Variants in KAT6B observed in about 807,000 individuals in gnomAD.
KAT6B encodes the protein lysine acetyltransferase 6B, also known as histone acetyltransferase KAT6B.
A neutral mutation model predicts 187.5 loss-of-function variants in KAT6B; 10 were observed. The observed-to-expected ratio is 0.05, with a 90% confidence interval of 0.03 to 0.09. The LOEUF is 0.09. Among genes scored for constraint, KAT6B ranks in the 10% least tolerant of loss-of-function variants. The pLI is 1.00. For synonymous variants in KAT6B, 861 were observed against 926.8 expected (o/e 0.93, Z 1.29); for missense variants, 1,952 against 2,558.9 (o/e 0.76, Z 5.12).
intron 3 of KAT6B, among the ~76,000 whole-genome samples, chr10:74,939,590 G>A (rs922377158): frequency 2.4e-4 from 36 of 151,930 alleles, no homozygotes; most frequent in African/African-American, 7.2e-4. Context: ...TAGTAGAGAC[G>A]GGGTCTCACC....
At chr10:74,928,933 T>G (rs1389173019) in intron 3 of KAT6B, among the ~76,000 whole-genome samples, 1 of 152,248 alleles carries the variant, frequency 6.6e-6, no homozygotes, top group Non-Finnish European at 1.5e-5. Context: ...TCTTTGGTTA[T>G]GTGGTAGAAT....
At chr10:74,903,415 A>T (rs1315678562) in intron 3 of KAT6B, among the ~76,000 whole-genome samples, 1 of 152,198 alleles carries the variant, frequency 6.6e-6, no homozygotes, top group Non-Finnish European at 1.5e-5. Flanking sequence ...AGAAAGAGTG[A>T]TCTGAAGCAT....
chr10:74,919,093 G>T (rs2133034977), intron 3 of KAT6B, among the ~76,000 whole-genome samples: 1 of 151,992 alleles, frequency 6.6e-6, no homozygotes, highest in Non-Finnish European at 1.5e-5. Context: ...CGTGGTGGCA[G>T]GTGCCTGTAA....
At chr10:74,934,787 C>G (rs558495350) in intron 3 of KAT6B, among the ~76,000 whole-genome samples, 1 of 152,316 alleles carries the variant, frequency 6.6e-6, no homozygotes, top group Admixed American at 6.5e-5. Context: ...TTTGAATTAA[C>G]TAGAGAGTTG....
At chr10:75,011,765 CACACCAT>C (rs1222210127) in intron 13 of KAT6B, among the ~76,000 whole-genome samples, 1 of 152,178 alleles carries the variant, frequency 6.6e-6, no homozygotes, top group Non-Finnish European at 1.5e-5. Flanking sequence ...GTTGTGGTGA[CACACCAT>C]ACACTCACAA....
Position 75,025,169 on chromosome 10 carries a change from A to G in KAT6B, c.3584A>G (p.His1195Arg). 6.2e-7 allele frequency: 1 copy of G among 1,614,264 alleles called. No individual in the cohort carries two copies. The highest frequency in any genetic ancestry group is 1.1e-5 in the South Asian group (1 of 91,088). Residue 1195 changes from histidine to arginine, a missense_variant, in exon 17 of 18, where the codon CAT (histidine) becomes CGT (arginine). By Grantham distance (29) the His-to-Arg change is conservative. Transcript: ENST00000287239. ...CCAGTCCTGAGAAAAGCATTCCAGC[A>G]TCAGCCTGGGAAGAAAAGACAAACA... Reference protein sequence around the residue: ...RKPVLRKAFQHQPGKKRQTEE... With the variant: ...RKPVLRKAFQRQPGKKRQTEE...
chr10:75,000,150 C>T (rs1029181851), intron 13 of KAT6B, among the ~76,000 whole-genome samples: 5 of 149,804 alleles, frequency 3.3e-5, no homozygotes, highest in African/African-American at 9.9e-5. Context: ...CCAGCCTGGG[C>T]GACAGAGCAA....
chr10:74,880,518 A>T (rs1844768173), intron 3 of KAT6B, among the ~76,000 whole-genome samples: 1 of 152,192 alleles, frequency 6.6e-6, no homozygotes, highest in Non-Finnish European at 1.5e-5. Flanking sequence ...TATGAGTAGT[A>T]GTACTATGAA....
intron 9 of KAT6B, 118 bp downstream of exon 9, chr10:74,977,555 A>G: frequency 1.6e-6 from 2 of 1,275,280 alleles, no homozygotes; most frequent in Non-Finnish European, 2.3e-6. Flanking sequence ...GTGATTCTTT[A>G]GCCGTTATCA....
intron 12 of KAT6B, among the ~76,000 whole-genome samples, chr10:74,986,070 C>G (rs1842787542): frequency 6.6e-6 from 1 of 152,006 alleles, no homozygotes; most frequent in African/African-American, 2.4e-5. Flanking sequence ...CAAAACAAAA[C>G]AAGAACAAAG....
intron 3 of KAT6B, among the ~76,000 whole-genome samples, chr10:74,854,707 T>C (rs1842702943): frequency 1.3e-5 from 2 of 152,206 alleles, no homozygotes; most frequent in South Asian, 4.1e-4. Flanking sequence ...ATACATCCTT[T>C]CTCTAATTTG....
At chr10:74,825,151 G>A (rs1027153973), upstream of KAT6B, among the ~76,000 whole-genome samples, 1 of 152,154 alleles carries the variant, frequency 6.6e-6, no homozygotes, top group African/African-American at 2.4e-5. The surrounding 1 kb of genome is among the most constrained non-coding windows in gnomAD (Gnocchi z 5.0). Flanking sequence ...TGCCGCGATC[G>A]CCCGAAGGCG....
intron 6 of KAT6B, 48 bp from the exon 7 acceptor site, chr10:74,972,459 C>T (rs764863170): frequency 3.7e-6 from 5 of 1,351,510 alleles, no homozygotes; most frequent in Non-Finnish European, 5.2e-6. Flanking sequence ...AATATCTTCT[C>T]TTAAAATGAA....
chr10:74,962,985 G>A (rs1841208546), intron 4 of KAT6B, among the ~76,000 whole-genome samples: 1 of 152,158 alleles, frequency 6.6e-6, no homozygotes, highest in African/African-American at 2.4e-5. Flanking sequence ...CACTTGCTGG[G>A]TGTGTAACTT....
At chr10:74,839,384 C>G (rs1193467714) in intron 2 of KAT6B, among the ~76,000 whole-genome samples, 1 of 151,754 alleles carries the variant, frequency 6.6e-6, no homozygotes, top group Non-Finnish European at 1.5e-5. Context: ...GCGCATGCCA[C>G]CATGCTTGGC....
chr10:75,023,435 G>T (rs2134183097), intron 16 of KAT6B: 1 of 152,344 alleles, frequency 6.6e-6, no homozygotes, highest in Middle Eastern at 3.4e-3. Context: ...TTTCTTAGGA[G>T]GAGTGTGTAT....
At chr10:74,827,760 CA>C (rs1413008908) in intron 1 of KAT6B, among the ~76,000 whole-genome samples, 10 of 151,942 alleles carry the variant, frequency 6.6e-5, no homozygotes, top group Admixed American at 5.9e-4. Flanking sequence ...TGGACTGTGC[CA>C]GGGGTGAGGA....
intron 3 of KAT6B, among the ~76,000 whole-genome samples, chr10:74,950,670 A>G (rs758151976): frequency 2.6e-5 from 4 of 152,160 alleles, no homozygotes; most frequent in Admixed American, 6.5e-5. Context: ...GTAAGTGTCA[A>G]ATAGAGTTCT....
At chr10:74,943,102 G>A (rs1288656512) in intron 3 of KAT6B, among the ~76,000 whole-genome samples, 1 of 152,148 alleles carries the variant, frequency 6.6e-6, no homozygotes, top group East Asian at 1.9e-4. Flanking sequence ...GAATCTTTAA[G>A]ACAGCTGCTA....
Sources: gnomAD v4.1 joint callset for allele counts (sites outside exome capture counted in the v4.1 genomes callset) on GRCh38, gnomAD v4.1.1 for gene constraint, Gnocchi (gnomAD v3.1) non-coding constraint, MANE v1.5 for transcripts, NCBI Gene and HGNC (gene_info 2026-07-23, HGNC 2026-07-21) for gene names.